Variants in LRRC39 observed in about 807,000 individuals in gnomAD.
The protein encoded by LRRC39 is leucine-rich repeat-containing protein 39.
LRRC39 carries 35 observed loss-of-function variants against 39.7 expected under a neutral mutation model. The observed-to-expected ratio is 0.88, with a 90% CI of 0.67 to 1.17. The LOEUF is 1.17. LRRC39 is among the 50% of genes most tolerant of loss of function. LRRC39 has a pLI of 0.00. For synonymous variants in LRRC39, 113 were observed against 134.1 expected, an observed-to-expected ratio of 0.84 and a Z score of 1.09; for missense variants, 357 against 385.8, an observed-to-expected ratio of 0.93 and a Z score of 0.62.
chr1:100,175,349 GTT>G (rs576646143), intron 1 of LRRC39, among the ~76,000 whole-genome samples: 4 of 133,254 alleles, frequency 3.0e-5, no homozygotes, highest in Non-Finnish European at 3.3e-5. Context: ...CAGTGTGCCA[GTT>G]TTTTTTTTTT....
intron 7 of LRRC39, 104 bp downstream of exon 7, chr1:100,156,068 C>T (rs1044534807): frequency 4.8e-6 from 5 of 1,046,566 alleles, no homozygotes; most frequent in Non-Finnish European, 6.9e-6. Flanking sequence ...CTAGTTGGAC[C>T]TATTGTGATT....
At chr1:100,167,818 A>G (rs1570776254) in intron 3 of LRRC39, among the ~76,000 whole-genome samples, 1 of 142,176 alleles carries the variant, frequency 7.0e-6, no homozygotes. Context: ...TAATAATAAT[A>G]ATAATAATGA....
At chr1:100,157,188 A>T (rs1658520690) in intron 6 of LRRC39, among the ~76,000 whole-genome samples, 1 of 152,182 alleles carries the variant, frequency 6.6e-6, no homozygotes, top group Non-Finnish European at 1.5e-5. Context: ...TTCATCTTGA[A>T]TTGTACCTCC....
intron 3 of LRRC39, among the ~76,000 whole-genome samples, chr1:100,165,557 C>A (rs911077363): frequency 1.3e-5 from 2 of 152,060 alleles, no homozygotes; most frequent in Non-Finnish European, 1.5e-5. Context: ...AAAAATTATT[C>A]CTCCCTGTCA....
At chr1:100,157,746 T>C (rs1658570054) in intron 6 of LRRC39, among the ~76,000 whole-genome samples, 1 of 152,240 alleles carries the variant, frequency 6.6e-6, no homozygotes, top group African/African-American at 2.4e-5. Flanking sequence ...TCACTGATTC[T>C]AAGAGCATTA....
intron 3 of LRRC39, among the ~76,000 whole-genome samples, chr1:100,163,374 A>G (rs1659019378): frequency 6.6e-6 from 1 of 152,184 alleles, no homozygotes; most frequent in Non-Finnish European, 1.5e-5. Flanking sequence ...CGGTCAGGCT[A>G]TTATTAGAAA....
rs534768256 is a variant in LRRC39 at position 100,156,490 on chromosome 1, C to G, written c.514-173G>C. Among the ~76,000 whole-genome samples the G allele has an allele frequency of 2.0e-5, 3 of 152,270 alleles. No individual in the cohort carries two copies. The East Asian group carries it at 5.8e-4, about 29-fold the overall frequency. ...AAATAAATATAAAGCTAAATGACCT[C>G]CAGGGAAGTGGAAAACTCTCATAGA... On this transcript the variant is annotated intron_variant, in intron 6 of 9. Transcript: ENST00000370137.
At chr1:100,156,431 C>T in intron 6 of LRRC39, 114 bp from the exon 7 acceptor site, 2 of 1,040,448 alleles carry the variant, frequency 1.9e-6, no homozygotes, top group Non-Finnish European at 2.7e-6. Context: ...TTTACTTGGG[C>T]TTTATTTAGT....
chr1:100,165,557 C>T (rs911077363), intron 3 of LRRC39, among the ~76,000 whole-genome samples: 1 of 152,060 alleles, frequency 6.6e-6, no homozygotes, highest in Admixed American at 6.6e-5. Context: ...AAAAATTATT[C>T]CTCCCTGTCA....
rs777641161 is a variant in LRRC39 at position 100,155,156 on chromosome 1, C to T, written c.707G>A (p.Cys236Tyr). The T allele has an allele frequency of 6.2e-7, 1 of 1,609,258 alleles. No homozygotes were observed. Among genetic ancestry groups the T allele is most frequent in the Non-Finnish European group, 8.5e-7 (1 of 1,178,200 alleles). The change falls in exon 8 of 10, where the codon TGC becomes TAC. Residue 236 changes from cysteine to tyrosine, a missense_variant. Cys to Tyr is a radical substitution (Grantham distance 194). Coordinates refer to ENST00000370137, the MANE Select transcript of LRRC39 (RefSeq NM_144620.4). Reference protein sequence around the residue: ...TLWLQRNEITCLPQTISNMKN... With the variant: ...TLWLQRNEITYLPQTISNMKN... ...CATATTGCTGATTGTTTGAGGCAAG[C>T]ATGTTATTTCATTTCGTTGCAGCCA...
At chr1:100,174,171 T>C (rs1182244116) in intron 1 of LRRC39, among the ~76,000 whole-genome samples, 1 of 152,198 alleles carries the variant, frequency 6.6e-6, no homozygotes, top group Non-Finnish European at 1.5e-5. Context: ...TTTGCATTCA[T>C]CAAGATCTCT....
chr1:100,153,894 A>G (rs951656273), intron 8 of LRRC39, among the ~76,000 whole-genome samples: 16 of 152,088 alleles, frequency 1.1e-4, no homozygotes, highest in Admixed American at 1.0e-3. Flanking sequence ...TAGCTGTTAT[A>G]GGCATGCACC....
chr1:100,169,677 A>C (rs917879954), intron 2 of LRRC39, among the ~76,000 whole-genome samples: 15 of 152,120 alleles, frequency 9.9e-5, no homozygotes, highest in African/African-American at 3.4e-4. Context: ...TAACTATCCC[A>C]CAGTTTATCC....
chr1:100,149,004 C>A lies in LRRC39; in HGVS notation c.*38G>T. The A allele has an allele frequency of 6.7e-7, 1 of 1,485,576 alleles. No homozygotes were observed. The highest frequency in any genetic ancestry group is 9.0e-7 in the Non-Finnish European group (1 of 1,111,906). The allele number at this position is 1,485,576 out of a possible 1,614,324, so 92.0% of individuals were successfully genotyped here. Reference sequence around the variant, plus strand: ...AGAAATCCAAACATTAGAGAATTCACCAAAGTAATCCTCTTTAGAAGGGCA... The same window carrying A: ...AGAAATCCAAACATTAGAGAATTCAACAAAGTAATCCTCTTTAGAAGGGCA... On this transcript the variant is annotated 3_prime_UTR_variant, in exon 10 of 10. Transcript: ENST00000370137.
intron 2 of LRRC39, among the ~76,000 whole-genome samples, chr1:100,169,666 A>G (rs1441131068): frequency 6.6e-6 from 1 of 152,146 alleles, no homozygotes; most frequent in African/African-American, 2.4e-5. Flanking sequence ...TCCAAAATAT[A>G]TAACTATCCC....
At chr1:100,172,429 G>A (rs1659677681) in intron 2 of LRRC39, among the ~76,000 whole-genome samples, 1 of 152,192 alleles carries the variant, frequency 6.6e-6, no homozygotes, top group Non-Finnish European at 1.5e-5. Context: ...GCTCATGCAT[G>A]TAATTCCAGC....
Position 100,148,537 on chromosome 1 carries a change from CA to C in LRRC39, c.*504del, listed in dbSNP as rs1657585704. 7.9e-7 allele frequency: 1 copy of C among 1,260,026 alleles called. No individual in the cohort carries two copies. The highest frequency in any genetic ancestry group is 1.1e-6 in the Non-Finnish European group (1 of 894,278). 78.1% of individuals were successfully genotyped at this position (1,260,026 alleles called of 1,614,324 possible). On this transcript the variant is annotated 3_prime_UTR_variant, in exon 10 of 10. Transcript: ENST00000370137. Reference sequence around the variant, plus strand: ...ACTTAGTACATTATGGGTTAGTTAACAGTCTCTCAATAAATAGTGACAAAAA... The same window carrying C: ...ACTTAGTACATTATGGGTTAGTTAACGTCTCTCAATAAATAGTGACAAAAA...
chr1:100,162,640 GA>G (rs957530341), intron 3 of LRRC39, among the ~76,000 whole-genome samples: 35 of 134,266 alleles, frequency 2.6e-4, no homozygotes, highest in South Asian at 4.7e-4. Context: ...TCGGTCTCCA[GA>G]AAAAAAAAAA....
chr1:100,160,625 AC>A, intron 3 of LRRC39, 54 bp from the exon 4 acceptor site: 1 of 1,329,044 alleles, frequency 7.5e-7, no homozygotes, highest in Non-Finnish European at 1.0e-6. Context: ...AGTGGCATTC[AC>A]TTTTTTTTTT....
Sources: gnomAD v4.1 joint callset for allele counts (sites outside exome capture counted in the v4.1 genomes callset) on GRCh38, gnomAD v4.1.1 for gene constraint, MANE v1.5 for transcripts, NCBI Gene and HGNC (gene_info 2026-07-23, HGNC 2026-07-21) for gene names.